Variants in SAMSN1 observed in about 807,000 individuals in gnomAD.
SAMSN1 encodes the protein SAM domain, SH3 domain and nuclear localization signals 1.
A neutral mutation model predicts 42.0 loss-of-function variants in SAMSN1; 31 were observed. The ratio of observed to expected loss-of-function variants is 0.74; its 90% CI spans 0.55 to 1.00. The LOEUF (loss-of-function observed/expected upper bound fraction) is 1.00, where lower values mean the gene tolerates loss of function less well. Among genes scored for constraint, SAMSN1 ranks in the 50% least tolerant of loss-of-function variants. The pLI is 0.00. For synonymous variants in SAMSN1, 178 were observed against 151.9 expected, an observed-to-expected ratio of 1.17 and a Z score of -1.26; for missense variants, 464 against 439.4, an observed-to-expected ratio of 1.06 and a Z score of -0.50.
At chr21:14,562,429 C>G (rs1390312550) in intron 2 of SAMSN1, among the ~76,000 whole-genome samples, 1 of 151,938 alleles carries the variant, frequency 6.6e-6, no homozygotes, top group Non-Finnish European at 1.5e-5. Context: ...GTTACCTGAA[C>G]AAAGAAAGAG....
chr21:14,595,494 T>G (rs921418015), intron 6 of SAMSN1, among the ~76,000 whole-genome samples: 3 of 152,144 alleles, frequency 2.0e-5, no homozygotes, highest in African/African-American at 7.2e-5. Context: ...AAAGGTGATT[T>G]CAAATTTTAT....
intron 2 of SAMSN1, among the ~76,000 whole-genome samples, chr21:14,577,224 TTATATATATGTGTGTATA>T (rs1981501909): frequency 1.2e-5 from 1 of 84,190 alleles, no homozygotes; most frequent in African/African-American, 5.1e-5. Flanking sequence ...GTGGGCTAAT[TTATATATATGTGTGTATA>T]TATATATATA....
At chr21:14,623,509 A>G (rs1983074034) in intron 2 of SAMSN1, among the ~76,000 whole-genome samples, 1 of 152,230 alleles carries the variant, frequency 6.6e-6, no homozygotes, top group South Asian at 2.1e-4. Context: ...TAAGCCAACA[A>G]AGATCGAAAG....
upstream of SAMSN1, among the ~76,000 whole-genome samples, chr21:14,585,208 T>C (rs1195920717): frequency 6.6e-6 from 1 of 152,206 alleles, no homozygotes; most frequent in Non-Finnish European, 1.5e-5. Context: ...GTGTTTCTTT[T>C]AGTGCTTTCT....
intron 2 of SAMSN1, among the ~76,000 whole-genome samples, chr21:14,556,010 C>A (rs1980751231): frequency 6.6e-6 from 1 of 152,150 alleles, no homozygotes; most frequent in African/African-American, 2.4e-5. Context: ...ATCAATAGAC[C>A]ATGATTTCCT....
chr21:14,645,969 G>A (rs985399431), intron 1 of SAMSN1, among the ~76,000 whole-genome samples: 2 of 151,938 alleles, frequency 1.3e-5, no homozygotes, highest in Non-Finnish European at 2.9e-5. Context: ...AGTCAGAGGA[G>A]ACAAAAGAAA....
At chr21:14,613,443 T>A (rs1267502668) in intron 3 of SAMSN1, among the ~76,000 whole-genome samples, 1 of 152,172 alleles carries the variant, frequency 6.6e-6, no homozygotes, top group African/African-American at 2.4e-5. Context: ...GCTAATCAAT[T>A]CATGTGTGTG....
chr21:14,561,033 C>T (rs993979207), intron 2 of SAMSN1, among the ~76,000 whole-genome samples: 1 of 152,148 alleles, frequency 6.6e-6, no homozygotes, highest in South Asian at 2.1e-4. Flanking sequence ...TTCTACCATT[C>T]CTTACTGCTC....
chr21:14,491,955 T>A (rs1204299969), intron 7 of SAMSN1, among the ~76,000 whole-genome samples: 1 of 151,948 alleles, frequency 6.6e-6, no homozygotes, highest in Non-Finnish European at 1.5e-5. Context: ...AACATATTTT[T>A]AAAAAACTTT....
chr21:14,485,915 G>C lies in SAMSN1; in HGVS notation c.1119C>G (p.Asp373Glu), dbSNP rs1291258748. 2 of 1,612,484 alleles carry C rather than the reference G, an allele frequency of 1.2e-6. No individual in the cohort carries two copies. The highest frequency in any genetic ancestry group is 2.2e-5 in the East Asian group (1 of 44,856). Residue 373 changes from aspartate (D) to glutamate (E), a missense_variant, in exon 8 of 8, where the codon GAC (aspartate) becomes GAG (glutamate). Transcript: ENST00000400566. Reference protein sequence around the residue: ...VHKIIITEPSD With the variant: ...VHKIIITEPSE ...ATATATAGTTGGGAATGCGTGTTCAGTCACTTGGCTCTGTGATAATAATCT... is the reference window on the plus strand; with the variant it reads ...ATATATAGTTGGGAATGCGTGTTCACTCACTTGGCTCTGTGATAATAATCT...
At chr21:14,619,750 C>T (rs1982950915) in intron 2 of SAMSN1, 1 of 216,550 alleles carries the variant, frequency 4.6e-6, no homozygotes, top group Non-Finnish European at 1.1e-5. Flanking sequence ...CATAAACCTT[C>T]AGAAATGAAG....
At chr21:14,581,471 G>A (rs1023715053) in intron 2 of SAMSN1, among the ~76,000 whole-genome samples, 6 of 133,778 alleles carry the variant, frequency 4.5e-5, no homozygotes, top group Non-Finnish European at 6.2e-5. Flanking sequence ...CCATTCTTCC[G>A]CCTCAGCCTC....
At chr21:14,503,931 T>C (rs1298212091) in intron 5 of SAMSN1, among the ~76,000 whole-genome samples, 1 of 152,200 alleles carries the variant, frequency 6.6e-6, no homozygotes, top group Admixed American at 6.5e-5. Context: ...ATCATAAGAC[T>C]CTGTGCAGAC....
At chr21:14,514,927 T>A (rs1987837653) in intron 3 of SAMSN1, among the ~76,000 whole-genome samples, 1 of 152,074 alleles carries the variant, frequency 6.6e-6, no homozygotes, top group Non-Finnish European at 1.5e-5. Flanking sequence ...TGAGAGTAGA[T>A]GAGCTGACTT....
At position 14,523,718 on chromosome 21, in the gene SAMSN1, G is replaced by A. The variant is rs9941903; in HGVS notation, c.58-2497C>T. Among the ~76,000 whole-genome samples the A allele has an allele frequency of 6.0e-3, 915 of 152,300 alleles. 5 individuals are homozygous for A. The highest frequency in any genetic ancestry group is 0.048 in the Middle Eastern group (14 of 294). On this transcript the variant is annotated intron_variant, in intron 1 of 7. Transcript: ENST00000400566. ...TATAGCCTGTTAAATATTAATGAGA[G>A]TAAGGGTGCGATTTCCACAATGGGA...
intron 1 of SAMSN1, among the ~76,000 whole-genome samples, chr21:14,545,875 C>A (rs1427685497): frequency 4.6e-5 from 7 of 152,124 alleles, no homozygotes; most frequent in African/African-American, 1.7e-4. Context: ...ATCTCATAGT[C>A]ATTAAAAACA....
chr21:14,531,274 C>T (rs1979251563), intron 1 of SAMSN1, among the ~76,000 whole-genome samples: 1 of 151,952 alleles, frequency 6.6e-6, no homozygotes, highest in African/African-American at 2.4e-5. Flanking sequence ...ACTGATTTTT[C>T]TATTTGTTGT....
chr21:14,586,890 C>T (rs1299286338), upstream of SAMSN1, among the ~76,000 whole-genome samples: 2 of 152,154 alleles, frequency 1.3e-5, no homozygotes, highest in Admixed American at 6.5e-5. Context: ...AGTCTTGGAA[C>T]ACAATACAGT....
intron 1 of SAMSN1, among the ~76,000 whole-genome samples, chr21:14,534,791 C>T (rs1366079841): frequency 6.6e-6 from 1 of 152,130 alleles, no homozygotes; most frequent in African/African-American, 2.4e-5. Flanking sequence ...TTCATGATTA[C>T]CACAATGAGG....
Sources: allele counts gnomAD v4.1 joint callset (sites outside exome capture counted in the v4.1 genomes callset), GRCh38; gene constraint gnomAD v4.1.1; transcripts MANE v1.5; gene names NCBI Gene and HGNC (gene_info 2026-07-23, HGNC 2026-07-21).